The following RCOR3 variants were observed in gnomAD, a reference collection of about 807,000 sequenced individuals.
The protein encoded by RCOR3 is REST corepressor 3.
In RCOR3, 13 loss-of-function variants were observed where a neutral mutation model predicts 64.1. That is an observed-to-expected ratio of 0.20 (90% CI 0.13 to 0.32). The LOEUF (loss-of-function observed/expected upper bound fraction) is 0.32, where lower values mean the gene tolerates loss of function less well. Ranked by LOEUF, RCOR3 falls within the 10% of genes least tolerant of loss-of-function variation. RCOR3 has a pLI of 1.00. For synonymous variants in RCOR3, 215 were observed against 239.0 expected (o/e 0.90, Z 0.93); for missense variants, 489 against 701.2 (o/e 0.70, Z 3.42).
chr1:211,300,995 C>T (rs1700326356), intron 9 of RCOR3, among the ~76,000 whole-genome samples: 1 of 151,992 alleles, frequency 6.6e-6, no homozygotes, highest in Non-Finnish European at 1.5e-5. Flanking sequence ...ACTAGTGGTC[C>T]ACTCCAATGC....
At chr1:211,265,849 C>T (rs2102436585) in intron 2 of RCOR3, among the ~76,000 whole-genome samples, 1 of 152,154 alleles carries the variant, frequency 6.6e-6, no homozygotes, top group East Asian at 1.9e-4. Context: ...AGTTATGGTG[C>T]CTTGAGTAAA....
chr1:211,293,891 T>G (rs557874764), intron 8 of RCOR3, among the ~76,000 whole-genome samples: 1 of 152,220 alleles, frequency 6.6e-6, no homozygotes, highest in Non-Finnish European at 1.5e-5. Flanking sequence ...ATCCTAACCC[T>G]TAACAGTCTA....
At chr1:211,270,532 C>A (rs1695998715) in intron 2 of RCOR3, among the ~76,000 whole-genome samples, 2 of 114,818 alleles carry the variant, frequency 1.7e-5, no homozygotes, top group South Asian at 6.8e-4. Flanking sequence ...CAATCTTGGC[C>A]CATTTAGACA....
chr1:211,312,670 A>C lies in RCOR3; in HGVS notation c.1076-50A>C, dbSNP rs1701618693. 1 of 1,293,566 alleles carries C rather than the reference A, an allele frequency of 7.7e-7. No individual in the cohort carries two copies. Among genetic ancestry groups the C allele is most frequent in the African/African-American group, 1.5e-5 (1 of 68,462 alleles). 80.1% of individuals were successfully genotyped at this position (1,293,566 alleles called of 1,614,324 possible). A position where few individuals can be genotyped will look rare whatever the true frequency, so the allele number is the denominator to read the frequency against. ...TGTGTGCATGATGTATAGTACACAC[A>C]GCTCTCCTTATTGATCCTTCACAGG... On this transcript the variant is annotated intron_variant, in intron 10 of 11. Coordinates refer to ENST00000419091, the MANE Select transcript of RCOR3 (RefSeq NM_001136223.3). This position sits in a 1 kb window ranked among gnomAD's most constrained non-coding sequence, Gnocchi z 5.0.
chr1:211,286,972 C>A (rs578149693), intron 7 of RCOR3, among the ~76,000 whole-genome samples: 1 of 152,274 alleles, frequency 6.6e-6, no homozygotes, highest in South Asian at 2.1e-4. Context: ...TGGTCATAAA[C>A]AGATTTTTTG....
In RCOR3 at chr1:211,271,239, A is replaced by G; in HGVS notation, c.231A>G (p.Thr77=). ...ATTATCTTTTTCCCCCAGGTGCTAC[A>G]AAGTACACAGATAAAGACAATGGAG... The part of the protein sequence containing the change: ...ARIPEFDPGA[T]KYTDKDNGGM... Residue 77 remains threonine (T), a synonymous_variant, in exon 3 of 12, where the codon ACA becomes ACG. Transcript: ENST00000419091. The G allele has an allele frequency of 6.2e-7, 1 of 1,612,666 alleles. No individual in the cohort carries two copies. The highest frequency in any genetic ancestry group is 8.5e-7 in the Non-Finnish European group (1 of 1,179,030).
At chr1:211,272,320 C>G (rs1310341033) in intron 3 of RCOR3, among the ~76,000 whole-genome samples, 1 of 152,118 alleles carries the variant, frequency 6.6e-6, no homozygotes, top group Non-Finnish European at 1.5e-5. Context: ...TCATTACAGA[C>G]AAAGGTTTTC....
At chr1:211,281,061 G>C (rs1035043377) in intron 7 of RCOR3, among the ~76,000 whole-genome samples, 4 of 150,304 alleles carry the variant, frequency 2.7e-5, no homozygotes, top group African/African-American at 7.3e-5. Flanking sequence ...CGTCACTTTT[G>C]AGTTTGCTTT....
At position 211,268,604 on chromosome 1, in the gene RCOR3, C is replaced by T. The variant is rs552375753; in HGVS notation, c.224-2628C>T. 4.6e-5 allele frequency among the ~76,000 whole-genome samples: 7 copies of T among 151,814 alleles called. No individual in the cohort carries two copies. In the South Asian group the frequency reaches 6.2e-4, roughly 14 times the overall value. On this transcript the variant is annotated intron_variant, in intron 2 of 11. Coordinates refer to ENST00000419091, the MANE Select transcript of RCOR3 (RefSeq NM_001136223.3). ...GTTGGTCATGCTGGTCTCGAACTCC[C>T]GACCTCAGGTGATCCGTCCACCTCG...
At position 211,313,070 on chromosome 1, in the gene RCOR3, G is replaced by A; in HGVS notation, c.1317+109G>A. The A allele has an allele frequency of 6.4e-7, 1 of 1,571,732 alleles. No homozygotes were observed. Among genetic ancestry groups the A allele is most frequent in the Admixed American group, 1.8e-5 (1 of 55,508 alleles). On this transcript the variant is annotated intron_variant, in intron 11 of 11. Transcript: ENST00000419091. This position sits in a 1 kb window ranked among gnomAD's most constrained non-coding sequence, Gnocchi z 4.7. Reference sequence around the variant, plus strand: ...AGGACTAGCTAAATTGAGCATGAAAGGTTGACAATACACTTCTTCAGTGGT... The same window carrying A: ...AGGACTAGCTAAATTGAGCATGAAAAGTTGACAATACACTTCTTCAGTGGT...
chr1:211,290,885 C>A (rs1699165925), intron 8 of RCOR3, among the ~76,000 whole-genome samples: 1 of 152,048 alleles, frequency 6.6e-6, no homozygotes, highest in South Asian at 2.1e-4. Context: ...AGTTAGGAAA[C>A]TGCTGAAGGA....
At chr1:211,299,006 C>CAAA (rs1229059854) in intron 9 of RCOR3, among the ~76,000 whole-genome samples, 1 of 128,984 alleles carries the variant, frequency 7.8e-6, no homozygotes, top group African/African-American at 2.9e-5. Flanking sequence ...GACTCCGTCT[C>CAAA]AAAAAAAAAA....
intron 2 of RCOR3, among the ~76,000 whole-genome samples, chr1:211,262,491 T>C (rs913044604): frequency 1.3e-5 from 2 of 152,228 alleles, no homozygotes; most frequent in African/African-American, 4.8e-5. Context: ...TTTTTTTTGG[T>C]AGTGATAGTT....
In RCOR3 at chr1:211,295,762, T is replaced by G; in HGVS notation, c.1017+9T>G. On this transcript the variant is annotated intron_variant, in intron 9 of 11. Coordinates refer to ENST00000419091, the MANE Select transcript of RCOR3 (RefSeq NM_001136223.3). ...AATTCAAACCTCCTGAGGTATGTTATTGAAGGATACATGTGATTAAGTATA... is the reference window on the plus strand; with the variant it reads ...AATTCAAACCTCCTGAGGTATGTTAGTGAAGGATACATGTGATTAAGTATA... The G allele has an allele frequency of 6.2e-7, 1 of 1,610,136 alleles. No homozygotes were observed. The highest frequency in any genetic ancestry group is 8.5e-7 in the Non-Finnish European group (1 of 1,176,634).
At chr1:211,261,030 C>T (rs1194074640) in intron 2 of RCOR3, 2 of 152,260 alleles carry the variant, frequency 1.3e-5, no homozygotes, top group Admixed American at 6.5e-5. Context: ...AGCGCGTTTC[C>T]TTCTCCCCAC....
chr1:211,290,372 T>C (rs1268763648), intron 8 of RCOR3, among the ~76,000 whole-genome samples: 1 of 152,208 alleles, frequency 6.6e-6, no homozygotes, highest in Non-Finnish European at 1.5e-5. Context: ...TGTTATCCCT[T>C]TCCCAACACA....
chr1:211,282,013 A>T (rs559925214), intron 7 of RCOR3, among the ~76,000 whole-genome samples: 1 of 152,302 alleles, frequency 6.6e-6, no homozygotes, highest in South Asian at 2.1e-4. Flanking sequence ...TGTGATATAA[A>T]CCTGAAAACT....
rs1374632596 is a variant in RCOR3 at position 211,289,407 on chromosome 1, A to C, written c.939+11A>C. 1 of 1,593,322 alleles carries C rather than the reference A, an allele frequency of 6.3e-7. No individual in the cohort carries two copies. Among genetic ancestry groups the C allele is most frequent in the Non-Finnish European group, 8.6e-7 (1 of 1,166,614 alleles). On this transcript the variant is annotated intron_variant, in intron 8 of 11. Coordinates refer to ENST00000419091, the MANE Select transcript of RCOR3 (RefSeq NM_001136223.3). Reference sequence around the variant, plus strand: ...TCTCTAAAACGTCAGGTATTTTATAAAAATAATATTTTTAATGATTCTGTG... The same window carrying C: ...TCTCTAAAACGTCAGGTATTTTATACAAATAATATTTTTAATGATTCTGTG...
At chr1:211,305,693 C>T (rs981363241) in intron 10 of RCOR3, among the ~76,000 whole-genome samples, 2 of 152,132 alleles carry the variant, frequency 1.3e-5, no homozygotes, top group Non-Finnish European at 2.9e-5. Flanking sequence ...CTACACAGCA[C>T]TCAGTATTTG....
Sources: gnomAD v4.1 joint callset for allele counts (sites outside exome capture counted in the v4.1 genomes callset) on GRCh38, gnomAD v4.1.1 for gene constraint, Gnocchi (gnomAD v3.1) non-coding constraint, MANE v1.5 for transcripts, NCBI Gene and HGNC (gene_info 2026-07-23, HGNC 2026-07-21) for gene names.